PALLD: variants seen among roughly 807,000 people sequenced by gnomAD.
PALLD encodes the protein palladin.
PALLD carries 61 observed loss-of-function variants against 123.5 expected under a neutral mutation model. The ratio of observed to expected loss-of-function variants is 0.49; its 90% CI spans 0.40 to 0.61. The LOEUF is 0.61. PALLD is among the 20% of genes least tolerant of loss of function. The pLI, the probability that PALLD is intolerant of heterozygous loss-of-function variation, is 0.00. For missense variants in PALLD, 1,273 were observed against 1,377.0 expected, an observed-to-expected ratio of 0.92 and a Z score of 1.20; for synonymous variants, 465 against 496.4, an observed-to-expected ratio of 0.94 and a Z score of 0.84.
chr4:168,926,066 A>G (rs1762531009), intron 21 of PALLD, 147 bp from the exon 22 acceptor site: 7 of 627,896 alleles, frequency 1.1e-5, no homozygotes, highest in South Asian at 8.4e-5. Context: ...GTAAAATGCA[A>G]AAGTGTTCCT....
At chr4:168,649,950 G>A (rs1022393013) in intron 2 of PALLD, among the ~76,000 whole-genome samples, 1 of 152,154 alleles carries the variant, frequency 6.6e-6, no homozygotes, top group African/African-American at 2.4e-5. Context: ...AGGCTGAGGC[G>A]GGCACCTGAG....
At chr4:168,923,414 C>G (rs1761970404) in intron 18 of PALLD, among the ~76,000 whole-genome samples, 1 of 152,196 alleles carries the variant, frequency 6.6e-6, no homozygotes, top group Admixed American at 6.5e-5. Flanking sequence ...GGAATGCATT[C>G]TCAGATTCAT....
At chr4:168,738,996 G>A (rs1788056688) in intron 10 of PALLD, among the ~76,000 whole-genome samples, 1 of 152,066 alleles carries the variant, frequency 6.6e-6, no homozygotes, top group Non-Finnish European at 1.5e-5. Flanking sequence ...AACATTTTTA[G>A]TTCCCATGTA....
intron 1 of PALLD, chr4:168,507,379 G>C: frequency 5.5e-6 from 1 of 181,082 alleles, no homozygotes; most frequent in Non-Finnish European, 1.2e-5. Flanking sequence ...CAGAGTCCAA[G>C]AAGGACACAT....
intron 2 of PALLD, among the ~76,000 whole-genome samples, chr4:168,542,213 C>T (rs1375943371): frequency 6.6e-6 from 1 of 152,046 alleles, no homozygotes; most frequent in Non-Finnish European, 1.5e-5. Context: ...AGACTCTAGC[C>T]TGAGCAGTTT....
At chr4:168,595,078 CA>C (rs891214609) in intron 2 of PALLD, among the ~76,000 whole-genome samples, 3 of 152,028 alleles carry the variant, frequency 2.0e-5, no homozygotes, top group African/African-American at 7.2e-5. Context: ...ATGACTAATC[CA>C]AAAGACTATG....
chr4:168,684,315 G>A (rs1291791840), intron 5 of PALLD, among the ~76,000 whole-genome samples: 1 of 152,172 alleles, frequency 6.6e-6, no homozygotes, highest in Non-Finnish European at 1.5e-5. Context: ...ACATGGAATG[G>A]AAGGTAATTT....
chr4:168,590,383 G>A (rs971492950), intron 2 of PALLD, among the ~76,000 whole-genome samples: 4 of 152,088 alleles, frequency 2.6e-5, no homozygotes, highest in African/African-American at 7.2e-5. Context: ...CTCAATATCC[G>A]CTTATCCCCA....
At chr4:168,745,793 G>C (rs908109949) in intron 10 of PALLD, among the ~76,000 whole-genome samples, 1 of 152,162 alleles carries the variant, frequency 6.6e-6, no homozygotes, top group Admixed American at 6.5e-5. Flanking sequence ...ACCTGCGCTA[G>C]TTTGCATGTG....
At chr4:168,681,233 CTT>C (rs1361230109) in intron 3 of PALLD, 97 bp from the exon 4 acceptor site, 1 of 776,176 alleles carries the variant, frequency 1.3e-6, no homozygotes, top group African/African-American at 1.7e-5. Flanking sequence ...GTCAAAAAGA[CTT>C]TGTATGTTAT....
chr4:168,597,685 AAGTTT>A (rs1370328706), intron 2 of PALLD, among the ~76,000 whole-genome samples: 1 of 152,072 alleles, frequency 6.6e-6, no homozygotes, highest in Non-Finnish European at 1.5e-5. Flanking sequence ...ATATTTGAAA[AAGTTT>A]CTTTTAGTTT....
intron 5 of PALLD, 151 bp downstream of exon 5, chr4:168,683,254 A>G: frequency 1.8e-6 from 1 of 564,142 alleles, no homozygotes; most frequent in Non-Finnish European, 3.2e-6. Context: ...ATTGTAGGTA[A>G]TGTTTCTCCT....
chr4:168,656,238 C>A (rs1475313086), intron 2 of PALLD, among the ~76,000 whole-genome samples: 4 of 125,312 alleles, frequency 3.2e-5, no homozygotes, highest in Non-Finnish European at 6.5e-5. Context: ...CCATTCTCCA[C>A]CCCCCCACCC....
At position 168,928,346 on chromosome 4, in the gene PALLD, A is replaced by G. The variant is rs886059220; in HGVS notation, c.*2166A>G. 11 of 137,672 alleles carry G rather than the reference A, an allele frequency of 8.0e-5. No homozygotes were observed. The East Asian group carries it at 1.1e-3, about 13-fold the overall frequency. 8.5% of individuals were successfully genotyped at this position (137,672 alleles called of 1,614,324 possible). A position where few individuals can be genotyped will look rare whatever the true frequency, so the allele number is the denominator to read the frequency against. On this transcript the variant is annotated 3_prime_UTR_variant, in exon 22 of 22. Coordinates refer to ENST00000505667, the MANE Select transcript of PALLD (RefSeq NM_001166108.2). The stretch of plus-strand genomic sequence containing the variant: ...ATTTATAAAAAAAAAAGTACTATCA[A>G]TCAATCATACTACTTTGGATTGTTG...
chr4:168,639,736 G>A lies in PALLD; in HGVS notation c.909-28454G>A, dbSNP rs563591417. 3.7e-4 allele frequency among the ~76,000 whole-genome samples: 56 copies of A among 152,102 alleles called. No individual in the cohort carries two copies. The East Asian group carries it at 0.011, about 29-fold the overall frequency. ...TTTTTTGTATTTTTTAGTAGAGACG[G>A]GGTTTCACCGTGTTAGCCAGGATGG... On this transcript the variant is annotated intron_variant, in intron 2 of 21. Coordinates refer to ENST00000505667, the MANE Select transcript of PALLD (RefSeq NM_001166108.2).
intron 2 of PALLD, among the ~76,000 whole-genome samples, chr4:168,521,539 A>G (rs997259866): frequency 1.3e-5 from 2 of 152,186 alleles, no homozygotes; most frequent in African/African-American, 4.8e-5. Flanking sequence ...TATTATTTTA[A>G]AGTGTTTACT....
At position 168,867,913 on chromosome 4, in the gene PALLD, A is replaced by G. The variant is rs553412843; in HGVS notation, c.1965-23009A>G. On this transcript the variant is annotated intron_variant, in intron 10 of 21. Coordinates refer to ENST00000505667, the MANE Select transcript of PALLD (RefSeq NM_001166108.2). ...AACTAATTTAAGTGAAGAGAAAAAA[A>G]AAAAAAGAAAAAAAAAATTCTGAGA... 2.0e-5 allele frequency among the ~76,000 whole-genome samples: 3 copies of G among 152,130 alleles called. No individual in the cohort carries two copies. In the South Asian group the frequency reaches 6.2e-4, roughly 32 times the overall value.
At position 168,515,192 on chromosome 4, in the gene PALLD, C is replaced by T. The variant is rs1762878679; in HGVS notation, c.908+2780C>T. ...TTCCAAAGATCTTGATCCTCCTTGT[C>T]ATGTATTTGTAAGTGCACCAGACGC... On this transcript the variant is annotated intron_variant, in intron 2 of 21. Coordinates refer to ENST00000505667, the MANE Select transcript of PALLD (RefSeq NM_001166108.2). 2.0e-5 allele frequency among the ~76,000 whole-genome samples: 3 copies of T among 152,120 alleles called. 1 individual carries two copies. In the South Asian group the frequency reaches 6.2e-4, roughly 32 times the overall value.
At chr4:168,594,581 C>T (rs1195319843) in intron 2 of PALLD, among the ~76,000 whole-genome samples, 3 of 152,130 alleles carry the variant, frequency 2.0e-5, no homozygotes, top group Admixed American at 6.6e-5. Context: ...CCAAAGAGGA[C>T]TTGAATTCTT....
Sources: allele counts gnomAD v4.1 joint callset (sites outside exome capture counted in the v4.1 genomes callset), GRCh38; gene constraint gnomAD v4.1.1; transcripts MANE v1.5; gene names NCBI Gene and HGNC (gene_info 2026-07-23, HGNC 2026-07-21).